Variants in GRIA4 observed in about 807,000 individuals in gnomAD.
GRIA4 encodes glutamate ionotropic receptor AMPA type subunit 4, also known as glutamate receptor 4.
A neutral mutation model predicts 104.0 loss-of-function variants in GRIA4; 34 were observed. That is an observed-to-expected ratio of 0.33 (90% CI 0.25 to 0.44). The LOEUF (loss-of-function observed/expected upper bound fraction) is 0.44, where lower values mean the gene tolerates loss of function less well. GRIA4 is among the 20% of genes least tolerant of loss of function. GRIA4 has a pLI of 1.00. For synonymous variants in GRIA4, 386 were observed against 381.9 expected (o/e 1.01, Z -0.13); for missense variants, 750 against 1,096.5 (o/e 0.68, Z 4.46).
chr11:105,643,642 G>C (rs778442613), intron 3 of GRIA4, among the ~76,000 whole-genome samples: 2 of 152,142 alleles, frequency 1.3e-5, no homozygotes, highest in Non-Finnish European at 2.9e-5. Context: ...TAGAAAAGGG[G>C]GTAGTGGTTC....
intron 3 of GRIA4, among the ~76,000 whole-genome samples, chr11:105,742,145 A>G (rs1390851764): frequency 6.6e-6 from 1 of 152,152 alleles, no homozygotes; most frequent in Non-Finnish European, 1.5e-5. Context: ...TCCTTATCAT[A>G]ACAGTTTATA....
At chr11:105,935,972 T>C (rs1948024032) in intron 14 of GRIA4, among the ~76,000 whole-genome samples, 1 of 152,286 alleles carries the variant, frequency 6.6e-6, no homozygotes, top group East Asian at 1.9e-4. Context: ...GCTTCCTGGA[T>C]GGAGAGTTTG....
intron 3 of GRIA4, among the ~76,000 whole-genome samples, chr11:105,627,592 G>T (rs190308426): frequency 1.9e-4 from 29 of 152,228 alleles, no homozygotes; most frequent in African/African-American, 7.0e-4. Flanking sequence ...TGTTACTTCA[G>T]TTGCTGTTTG....
intron 4 of GRIA4, among the ~76,000 whole-genome samples, chr11:105,805,050 T>C (rs1398228375): frequency 6.6e-6 from 1 of 152,012 alleles, no homozygotes; most frequent in Admixed American, 6.6e-5. Context: ...CATAATTTTA[T>C]AATTTGAAAC....
intron 7 of GRIA4, among the ~76,000 whole-genome samples, chr11:105,901,906 A>G (rs1946872561): frequency 6.6e-6 from 1 of 151,958 alleles, no homozygotes; most frequent in Admixed American, 6.6e-5. Context: ...GCCCTTTGTG[A>G]CTTAGGCAAG....
intron 3 of GRIA4, among the ~76,000 whole-genome samples, chr11:105,669,281 C>T (rs527338071): frequency 6.6e-6 from 1 of 152,016 alleles, no homozygotes; most frequent in African/African-American, 2.4e-5. Flanking sequence ...ACTTTAATCT[C>T]TCCACACCAC....
chr11:105,923,316 T>C (rs1240027154), intron 11 of GRIA4, among the ~76,000 whole-genome samples: 7 of 152,190 alleles, frequency 4.6e-5, no homozygotes, highest in Admixed American at 2.6e-4. Context: ...GGTGGGGTGA[T>C]TGACACTCTA....
At chr11:105,933,216 T>G (rs1235257569) in intron 13 of GRIA4, among the ~76,000 whole-genome samples, 3 of 151,902 alleles carry the variant, frequency 2.0e-5, no homozygotes, top group African/African-American at 4.8e-5. Flanking sequence ...CACTCCAGTC[T>G]GGGCAACTCA....
rs1565340615 is a variant in GRIA4 at position 105,916,736 on chromosome 11, T to C, written c.1270-1976T>C. 2.0e-5 allele frequency among the ~76,000 whole-genome samples: 3 copies of C among 152,192 alleles called. No homozygotes were observed. The East Asian group carries it at 5.8e-4, about 29-fold the overall frequency. On this transcript the variant is annotated intron_variant, in intron 10 of 16. Coordinates refer to ENST00000282499, the MANE Select transcript of GRIA4 (RefSeq NM_000829.4). The stretch of plus-strand genomic sequence containing the variant: ...TAATACAGTAATATATGTACTTGAG[T>C]ACAAAAATTCATGTGTTCAGATATT...
chr11:105,702,320 A>C (rs1183306564), intron 3 of GRIA4, among the ~76,000 whole-genome samples: 1 of 152,172 alleles, frequency 6.6e-6, no homozygotes, highest in African/African-American at 2.4e-5. Context: ...TGAAAACAGA[A>C]ATAAATTCCC....
intron 4 of GRIA4, among the ~76,000 whole-genome samples, chr11:105,794,469 G>GTGTGTGTATATATATATA (rs1427661928): frequency 2.5e-5 from 1 of 40,776 alleles, no homozygotes; most frequent in African/African-American, 8.4e-5. Context: ...GTGTGTATAT[G>GTGTGTGTATATATATATA]TATGTATATA....
chr11:105,612,290 C>A lies in GRIA4; in HGVS notation c.103C>A (p.Arg35=), dbSNP rs1163243138. 2 of 1,613,986 alleles carry A rather than the reference C, an allele frequency of 1.2e-6. No individual in the cohort carries two copies. Among genetic ancestry groups the A allele is most frequent in the East Asian group, 2.2e-5 (1 of 44,866 alleles). The change falls in exon 3 of 17, where the codon CGA becomes AGA. Residue 35 remains arginine (R), a synonymous_variant. Transcript: ENST00000282499. The part of the protein sequence containing the change: ...SSVQIGGLFI[R]NTDQEYTAFR... ...GTTTTTAATAGGTGGTCTCTTCATC[C>A]GAAACACAGATCAGGAATACACTGC...
In GRIA4 at chr11:105,937,994, A is replaced by G. The variant is rs1948088923; in HGVS notation, c.2294+4025A>G. Reference sequence around the variant, plus strand: ...ACGGCAGGGGGAGGAAATACTCAGCATGGGAATTAGAATACCACATCTCTC... The same window carrying G: ...ACGGCAGGGGGAGGAAATACTCAGCGTGGGAATTAGAATACCACATCTCTC... On this transcript the variant is annotated intron_variant, in intron 14 of 16. Coordinates refer to ENST00000282499, the MANE Select transcript of GRIA4 (RefSeq NM_000829.4). Among the ~76,000 whole-genome samples the G allele has an allele frequency of 2.0e-5, 3 of 152,312 alleles. No homozygotes were observed. The South Asian group carries it at 6.2e-4, about 32-fold the overall frequency.
chr11:105,933,667 A>G lies in GRIA4; in HGVS notation c.2047-55A>G, dbSNP rs956508247. The G allele has an allele frequency of 1.4e-5, 18 of 1,317,226 alleles. No individual in the cohort carries two copies. The African/African-American group carries it at 2.5e-4, about 18-fold the overall frequency. The allele number at this position is 1,317,226 out of a possible 1,614,324, so 81.6% of individuals were successfully genotyped here. On this transcript the variant is annotated intron_variant, in intron 13 of 16. Coordinates refer to ENST00000282499, the MANE Select transcript of GRIA4 (RefSeq NM_000829.4). ...TTATTCTTATCTTGGTTCAGCGAAT[A>G]TTAACATGTTGTTCCCTTCTTTCCT...
intron 3 of GRIA4, among the ~76,000 whole-genome samples, chr11:105,717,711 T>A (rs1046042787): frequency 1.3e-4 from 20 of 152,142 alleles, no homozygotes; most frequent in East Asian, 5.8e-4. Flanking sequence ...TTTTCTTTTT[T>A]TTTATTTATT....
At chr11:105,826,496 T>TA (rs1943775289) in intron 4 of GRIA4, among the ~76,000 whole-genome samples, 1 of 152,022 alleles carries the variant, frequency 6.6e-6, no homozygotes, top group Admixed American at 6.6e-5. Flanking sequence ...AAAATATTCT[T>TA]AGATATTTTA....
At chr11:105,767,803 AC>A (rs1427493500) in intron 4 of GRIA4, among the ~76,000 whole-genome samples, 1 of 152,092 alleles carries the variant, frequency 6.6e-6, no homozygotes, top group Non-Finnish European at 1.5e-5. Context: ...GAGATTAAAA[AC>A]CTCATCCAAC....
intron 3 of GRIA4, among the ~76,000 whole-genome samples, chr11:105,660,646 G>T (rs1193642276): frequency 6.6e-6 from 1 of 151,354 alleles, no homozygotes. Flanking sequence ...TGTAGGACTG[G>T]GTTTTCTGAA....
intron 3 of GRIA4, among the ~76,000 whole-genome samples, chr11:105,714,653 G>A (rs1954028854): frequency 6.6e-6 from 1 of 152,038 alleles, no homozygotes; most frequent in Non-Finnish European, 1.5e-5. Context: ...GATTCACCAA[G>A]ACCCTATATT....
Sources: gnomAD v4.1 joint callset for allele counts (sites outside exome capture counted in the v4.1 genomes callset) on GRCh38, gnomAD v4.1.1 for gene constraint, MANE v1.5 for transcripts, NCBI Gene and HGNC (gene_info 2026-07-23, HGNC 2026-07-21) for gene names.